The following NEU3 variants were observed in gnomAD, a reference collection of about 807,000 sequenced individuals.
The protein encoded by NEU3 is sialidase-3.
A neutral mutation model predicts 11.4 loss-of-function variants in NEU3; 10 were observed. The ratio of observed to expected loss-of-function variants is 0.88; its 90% CI spans 0.54 to 1.49. NEU3 has a LOEUF of 1.49. Among genes scored for constraint, NEU3 ranks in the 40% most tolerant of loss-of-function variants. NEU3 has a pLI of 0.00. For synonymous variants in NEU3, 212 were observed against 228.2 expected, an observed-to-expected ratio of 0.93 and a Z score of 0.64; for missense variants, 529 against 581.8, an observed-to-expected ratio of 0.91 and a Z score of 0.93.
chr11:74,985,343 C>T (rs896524861), upstream of NEU3, among the ~76,000 whole-genome samples: 2 of 152,174 alleles, frequency 1.3e-5, no homozygotes, highest in Non-Finnish European at 2.9e-5. Context: ...ACTTCCTGCA[C>T]TTTCAGAAGT....
At chr11:74,988,786 G>T (rs1591748952), upstream of NEU3, 38 of 498,664 alleles carry the variant, frequency 7.6e-5, no homozygotes, top group South Asian at 8.8e-4. Flanking sequence ...CCACGCCGTG[G>T]TGGGGACCGA....
chr11:75,011,753 A>G (rs554356974), downstream of NEU3, among the ~76,000 whole-genome samples: 15 of 152,242 alleles, frequency 9.9e-5, no homozygotes, highest in Admixed American at 2.6e-4. Flanking sequence ...TTAAGTACCC[A>G]TCCTCACAGA....
chr11:74,994,280 T>C (rs1038843186), intron 1 of NEU3, among the ~76,000 whole-genome samples: 7 of 152,200 alleles, frequency 4.6e-5, no homozygotes, highest in African/African-American at 1.2e-4. Flanking sequence ...ACAGGCCACA[T>C]AGAATTCCCA....
chr11:74,995,502 G>C (rs566506051), intron 2 of NEU3, among the ~76,000 whole-genome samples: 55 of 152,298 alleles, frequency 3.6e-4, no homozygotes, highest in African/African-American at 1.3e-3. Context: ...CGGAGATATT[G>C]TGGATTTGGT....
chr11:75,011,040 A>G (rs977234726), downstream of NEU3: 2 of 152,152 alleles, frequency 1.3e-5, no homozygotes, highest in African/African-American at 4.8e-5. Flanking sequence ...CAGAAACTTT[A>G]CTAATGATAA....
downstream of NEU3, among the ~76,000 whole-genome samples, chr11:75,020,466 G>A (rs113229462): frequency 0.023 from 3,494 of 152,192 alleles, 148 homozygotes; most frequent in African/African-American, 0.08. Context: ...GAATCATAGG[G>A]GCAGGTCTTT....
At position 75,005,866 on chromosome 11, in the gene NEU3, A is replaced by C. The variant is rs767782339; in HGVS notation, c.760A>C (p.Met254Leu). The C allele has an allele frequency of 2.0e-5, 32 of 1,613,760 alleles. No individual in the cohort carries two copies. Among genetic ancestry groups the C allele is most frequent in the Non-Finnish European group, 2.6e-5 (31 of 1,179,890 alleles). The stretch of plus-strand genomic sequence containing the variant: ...GCACCATGGTAGACTCATTAGGCCC[A>C]TGGTTACAGTAGAATGTGAAGTGGC... ...TWHHGRLIRP[M>L]VTVECEVAEV... Residue 254 changes from methionine to leucine, a missense_variant, in exon 3 of 3, where the codon ATG becomes CTG. Met to Leu is a conservative substitution (Grantham distance 15). Coordinates refer to ENST00000294064, the MANE Select transcript of NEU3 (RefSeq NM_006656.6).
Position 74,989,011 on chromosome 11 carries a change from G to A in NEU3, c.-50G>A, listed in dbSNP as rs1358543483. 2 of 1,380,576 alleles carry A rather than the reference G, an allele frequency of 1.4e-6. No individual in the cohort carries two copies. Among genetic ancestry groups the A allele is most frequent in the Non-Finnish European group, 2.0e-6 (2 of 994,662 alleles). The allele number at this position is 1,380,576 out of a possible 1,614,324, so 85.5% of individuals were successfully genotyped here. ...TGTTTCTCCCTCTCTATCCTCCTCT[G>A]TCTCAGTCTCCCCAGCCTTGGGGCC... On this transcript the variant is annotated 5_prime_UTR_variant, in exon 1 of 3. Coordinates refer to ENST00000294064, the MANE Select transcript of NEU3 (RefSeq NM_006656.6).
In NEU3 at chr11:75,006,007, C is replaced by G. The variant is rs1443204872; in HGVS notation, c.901C>G (p.Leu301Val). The G allele has an allele frequency of 6.2e-7, 1 of 1,613,838 alleles. No homozygotes were observed. Residue 301 changes from leucine to valine, a missense_variant, in exon 3 of 3, where the codon CTG becomes GTG. By Grantham distance (32) the Leu-to-Val change is conservative. Coordinates refer to ENST00000294064, the MANE Select transcript of NEU3 (RefSeq NM_006656.6). Reference protein sequence around the residue: ...DHGEGFQRLALSRQLCEPPHG... With the variant: ...DHGEGFQRLAVSRQLCEPPHG... ...TGGTGAAGGCTTTCAGAGACTGGCCCTGAGTCGACAGCTCTGTGAGCCCCC... is the reference window on the plus strand; with the variant it reads ...TGGTGAAGGCTTTCAGAGACTGGCCGTGAGTCGACAGCTCTGTGAGCCCCC...
Position 75,009,568 on chromosome 11 carries a change from G to A in NEU3, c.*3076G>A, listed in dbSNP as rs1948935004. On this transcript the variant is annotated 3_prime_UTR_variant, in exon 3 of 3. Transcript: ENST00000294064. ...CAGGTGGTAGCAGCTGTGAAGAAAA[G>A]AGGAAAGCAGAAGGGTGGCCTATAA... 1 of 152,448 alleles carries A rather than the reference G, an allele frequency of 6.6e-6. No homozygotes were observed. Among genetic ancestry groups the A allele is most frequent in the South Asian group, 2.1e-4 (1 of 4,834 alleles). 9.4% of individuals were successfully genotyped at this position (152,448 alleles called of 1,614,324 possible).
Position 74,994,683 on chromosome 11 carries a change from T to C in NEU3, c.269T>C (p.Val90Ala), listed in dbSNP as rs1478712512. 2 of 1,613,896 alleles carry C rather than the reference T, an allele frequency of 1.2e-6. No individual in the cohort carries two copies. The highest frequency in any genetic ancestry group is 2.7e-5 in the African/African-American group (2 of 74,948). ...AGAGATGAGGATGCTCTCCACCTGG[T>C]GCTGAGGCGAGGGTTGAGGATTGGG... ...TRRDEDALHL[V>A]LRRGLRIGQL... The change falls in exon 2 of 3, where the codon GTG becomes GCG. Residue 90 changes from valine to alanine, a missense_variant. Physicochemically the swap from Val to Ala is moderately conservative, Grantham distance 64 (BLOSUM62 0). Coordinates refer to ENST00000294064, the MANE Select transcript of NEU3 (RefSeq NM_006656.6).
At chr11:74,983,227 T>C in the NEU3 span, among the ~76,000 whole-genome samples, 2 of 152,156 alleles carry the variant, frequency 1.3e-5, no homozygotes, top group African/African-American at 2.4e-5. Flanking sequence ...TACTGCTGTT[T>C]TATGGCTTTA....
chr11:75,014,646 G>T (rs991775941), downstream of NEU3, among the ~76,000 whole-genome samples: 3 of 152,084 alleles, frequency 2.0e-5, no homozygotes, highest in African/African-American at 7.2e-5. Flanking sequence ...GGGAGGCAAA[G>T]GTAGGTGAGG....
At chr11:74,989,290 C>T (rs1394947617) in intron 1 of NEU3, 136 bp downstream of exon 1, 3 of 687,502 alleles carry the variant, frequency 4.4e-6, no homozygotes, top group East Asian at 5.8e-5. Flanking sequence ...TAGGATCTGA[C>T]CTGGCCAGAG....
Position 75,006,045 on chromosome 11 carries a change from A to G in NEU3, c.939A>G (p.Gln313=), listed in dbSNP as rs752714058. ...RQLCEPPHGC[Q]GSVVSFRPLE... is the part of the protein sequence containing the mutation. ...TCTGTGAGCCCCCACATGGTTGCCA[A>G]GGGAGTGTGGTAAGTTTCCGGCCCC... is the stretch of plus-strand genomic sequence containing the variant. Residue 313 remains glutamine (Q), a synonymous_variant, in exon 3 of 3, where the codon CAA becomes CAG. Coordinates refer to ENST00000294064, the MANE Select transcript of NEU3 (RefSeq NM_006656.6). 2 of 1,613,858 alleles carry G rather than the reference A, an allele frequency of 1.2e-6. No homozygotes were observed. The highest frequency in any genetic ancestry group is 1.7e-5 in the Admixed American group (1 of 60,004).
In NEU3 at chr11:75,006,493, T is replaced by C. The variant is rs368878155; in HGVS notation, c.*1T>C. On this transcript the variant is annotated 3_prime_UTR_variant, in exon 3 of 3. Transcript: ENST00000294064. The stretch of plus-strand genomic sequence containing the variant: ...CCCAAGCCAATTCAAAAGCAATTAA[T>C]TGGCTTAGGACCCAATTTCCATAGA... 307 of 1,604,752 alleles carry C rather than the reference T, an allele frequency of 1.9e-4. No homozygotes were observed. The highest frequency in any genetic ancestry group is 2.3e-4 in the Non-Finnish European group (276 of 1,174,968).
In NEU3 at chr11:74,996,006, T is replaced by C. The variant is rs182852258; in HGVS notation, c.306+1286T>C. Among the ~76,000 whole-genome samples, 407 of 151,970 alleles carry C rather than the reference T, an allele frequency of 2.7e-3. 2 individuals are homozygous for C. Among genetic ancestry groups the C allele is most frequent in the African/African-American group, 9.3e-3 (386 of 41,444 alleles). ...TTATCTCTAATAAAAATAAAAAACA[T>C]TGGGTGGGTTTAGTGGCACACATCT... On this transcript the variant is annotated intron_variant, in intron 2 of 2. Transcript: ENST00000294064.
Position 75,006,416 on chromosome 11 carries a change from A to G in NEU3, c.1310A>G (p.His437Arg). 1 of 1,613,950 alleles carries G rather than the reference A, an allele frequency of 6.2e-7. No homozygotes were observed. Among genetic ancestry groups the G allele is most frequent in the Non-Finnish European group, 8.5e-7 (1 of 1,179,884 alleles). ...CEQIAFRLFT[H>R]REILSHLQGD... is the part of the protein sequence containing the mutation. ...CAGATTGCCTTCCGCCTGTTTACACACCGGGAGATCCTGAGTCACCTGCAG... is the reference window on the plus strand; with the variant it reads ...CAGATTGCCTTCCGCCTGTTTACACGCCGGGAGATCCTGAGTCACCTGCAG... The change falls in exon 3 of 3, where the codon CAC becomes CGC. Residue 437 changes from histidine (H) to arginine (R), a missense_variant. His to Arg is a conservative substitution (Grantham distance 29). Coordinates refer to ENST00000294064, the MANE Select transcript of NEU3 (RefSeq NM_006656.6).
chr11:74,989,283 G>A (rs1948705769), intron 1 of NEU3, 129 bp downstream of exon 1: 1 of 720,416 alleles, frequency 1.4e-6, no homozygotes, highest in East Asian at 2.9e-5. Context: ...AGTCGGCTAG[G>A]ATCTGACCTG....
Sources: gnomAD v4.1 joint callset for allele counts (sites outside exome capture counted in the v4.1 genomes callset) on GRCh38, gnomAD v4.1.1 for gene constraint, MANE v1.5 for transcripts, NCBI Gene and HGNC (gene_info 2026-07-23, HGNC 2026-07-21) for gene names.